The following SYNC variants were observed in gnomAD, a reference collection of about 807,000 sequenced individuals.
The protein encoded by SYNC is syncoilin, intermediate filament protein.
SYNC carries 38 observed loss-of-function variants against 49.5 expected under a neutral mutation model. The ratio of observed to expected loss-of-function variants is 0.77; its 90% CI spans 0.59 to 1.01. The LOEUF (loss-of-function observed/expected upper bound fraction) is 1.01, where lower values mean the gene tolerates loss of function less well. SYNC is among the 50% of genes least tolerant of loss of function. SYNC has a pLI of 0.00. For missense variants in SYNC, 579 were observed against 580.6 expected (o/e 1.00, Z 0.03); for synonymous variants, 201 against 230.8 (o/e 0.87, Z 1.17).
At chr1:32,699,139 G>A (rs1418117927) in intron 1 of SYNC, among the ~76,000 whole-genome samples, 1 of 136,416 alleles carries the variant, frequency 7.3e-6, no homozygotes. Context: ...TCACTGAGAA[G>A]TGACTTTTCT....
intron 1 of SYNC, among the ~76,000 whole-genome samples, chr1:32,697,720 CAG>C (rs1317010902): frequency 6.6e-6 from 1 of 150,998 alleles, no homozygotes; most frequent in East Asian, 1.9e-4. Flanking sequence ...GCCTGGGCAA[CAG>C]AGACCCTGTC....
rs530251747 is a variant in SYNC at position 32,700,919 on chromosome 1, C to CT, written c.53+1688dup. Among the ~76,000 whole-genome samples the CT allele has an allele frequency of 6.0e-3, 876 of 145,558 alleles. 11 individuals are homozygous for CT. The East Asian group carries it at 0.062, about 10-fold the overall frequency. ...CCTGGCATGCAGCAGTCACAATATA[C>CT]TTTTTTTTTTTTTGAGATGGAGTTT... On this transcript the variant is annotated intron_variant, in intron 1 of 4. Coordinates refer to ENST00000409190, the MANE Select transcript of SYNC (RefSeq NM_030786.3).
chr1:32,686,557 G>A (rs1328233425), intron 2 of SYNC, among the ~76,000 whole-genome samples: 2 of 152,206 alleles, frequency 1.3e-5, no homozygotes, highest in African/African-American at 4.8e-5. Flanking sequence ...AAAGTAACAG[G>A]TGCTGTGGAA....
At chr1:32,689,713 C>G (rs551576064) in intron 2 of SYNC, among the ~76,000 whole-genome samples, 1 of 151,896 alleles carries the variant, frequency 6.6e-6, no homozygotes, top group African/African-American at 2.4e-5. Context: ...GAAGCCGAGG[C>G]GGGCAGATCA....
intron 2 of SYNC, among the ~76,000 whole-genome samples, chr1:32,689,214 G>C (rs1300580904): frequency 7.9e-6 from 1 of 125,878 alleles, no homozygotes; most frequent in Admixed American, 9.9e-5. Flanking sequence ...GGGATTACAG[G>C]CGTGAGGCAC....
Position 32,684,325 on chromosome 1 carries a change from G to A in SYNC, c.1291C>T (p.Gln431Ter). 6.2e-7 allele frequency: 1 copy of A among 1,614,120 alleles called. No individual in the cohort carries two copies. Among genetic ancestry groups the A allele is most frequent in the African/African-American group, 1.3e-5 (1 of 75,030 alleles). ...QRQLRNGVQL[Q>*]QQKNKEMEQL... Reference sequence around the variant, plus strand: ...TCCATCTCTTTGTTCTTCTGTTGCTGGAGTTGCACCCCATTTCTTAACTGC... The same window carrying A: ...TCCATCTCTTTGTTCTTCTGTTGCTAGAGTTGCACCCCATTTCTTAACTGC... The change falls in exon 3 of 5, where the codon CAG becomes TAG. Residue 431 changes from glutamine (Q) to a stop codon, truncating the protein, a stop_gained. Coordinates refer to ENST00000409190, the MANE Select transcript of SYNC (RefSeq NM_030786.3). LOFTEE classifies it high-confidence loss of function.
In SYNC at chr1:32,680,330, G is replaced by C. The variant is rs1263234984; in HGVS notation, c.*1520C>G. On this transcript the variant is annotated 3_prime_UTR_variant, in exon 5 of 5. Transcript: ENST00000409190. ...TTCATGTTGTTTATTTCCTGTCTGT[G>C]AAATGGTGTTTTTTTTTTTGTTGTT... is the stretch of plus-strand genomic sequence containing the variant. 3.1e-6 allele frequency: 4 copies of C among 1,301,206 alleles called. No homozygotes were observed. In the African/African-American group the frequency reaches 6.7e-5, roughly 22 times the overall value. The allele number at this position is 1,301,206 out of a possible 1,614,324, so 80.6% of individuals were successfully genotyped here.
chr1:32,702,634 G>A lies in SYNC; in HGVS notation c.27C>T (p.Gly9=). 8.3e-7 allele frequency: 1 copy of A among 1,209,112 alleles called. No homozygotes were observed. Among genetic ancestry groups the A allele is most frequent in the Non-Finnish European group, 1.0e-6 (1 of 974,176 alleles). 74.9% of individuals were successfully genotyped at this position (1,209,112 alleles called of 1,614,324 possible). The part of the protein sequence containing the change: MASPEPRR[G]GDGAAQAARK... ...TCGCGGCCTGGGCGGCGCCGTCCCC[G>A]CCGCGCCGGGGCTCCGGGCTGGCCA... Residue 9 remains glycine (G), a synonymous_variant, in exon 1 of 5, where the codon GGC becomes GGT. Transcript: ENST00000409190. This position sits in a 1 kb window ranked among gnomAD's most constrained non-coding sequence, Gnocchi z 6.2.
intron 2 of SYNC, among the ~76,000 whole-genome samples, chr1:32,694,191 T>C (rs755180493): frequency 1.3e-5 from 2 of 151,990 alleles, no homozygotes; most frequent in Non-Finnish European, 2.9e-5. Flanking sequence ...AGATTGCACC[T>C]GTCTCAAAAA....
intron 2 of SYNC, among the ~76,000 whole-genome samples, chr1:32,691,224 CAAAA>C (rs989339096): frequency 1.5e-5 from 2 of 132,574 alleles, no homozygotes; most frequent in Non-Finnish European, 3.3e-5. Context: ...TCTCAAAAAA[CAAAA>C]AAAAACAACA....
intron 1 of SYNC, among the ~76,000 whole-genome samples, chr1:32,701,725 G>C (rs1650677495): frequency 6.6e-6 from 1 of 152,182 alleles, no homozygotes; most frequent in Non-Finnish European, 1.5e-5. Flanking sequence ...TGGGGCCCCT[G>C]ACCTCGGGCT....
At chr1:32,687,111 G>A (rs1010147777) in intron 2 of SYNC, among the ~76,000 whole-genome samples, 1 of 151,992 alleles carries the variant, frequency 6.6e-6, no homozygotes, top group Admixed American at 6.6e-5. Flanking sequence ...TGTAATCTCA[G>A]CATTTTGGGA....
intron 2 of SYNC, among the ~76,000 whole-genome samples, chr1:32,690,060 CA>C (rs11320061): frequency 2.4e-3 from 372 of 151,888 alleles, no homozygotes; most frequent in African/African-American, 8.3e-3. Context: ...GATGGTATAG[CA>C]ACAAGAGAAG....
intron 1 of SYNC, 130 bp from the exon 2 acceptor site, chr1:32,696,174 ACT>A: frequency 1.4e-6 from 1 of 710,552 alleles, no homozygotes; most frequent in Middle Eastern, 3.8e-4. Flanking sequence ...TGCTCCCTCC[ACT>A]CTGTCAATCC....
At chr1:32,690,598 C>G (rs1650110516) in intron 2 of SYNC, among the ~76,000 whole-genome samples, 1 of 149,680 alleles carries the variant, frequency 6.7e-6, no homozygotes, top group African/African-American at 2.5e-5. Flanking sequence ...GAGCCAAGAT[C>G]ATGCCACTGC....
At chr1:32,687,998 C>T (rs571118842) in intron 2 of SYNC, among the ~76,000 whole-genome samples, 1 of 151,708 alleles carries the variant, frequency 6.6e-6, no homozygotes, top group East Asian at 1.9e-4. Context: ...TACAGGCGGC[C>T]TAATTTTTGT....
chr1:32,689,994 G>T (rs1277176998), intron 2 of SYNC, among the ~76,000 whole-genome samples: 1 of 151,048 alleles, frequency 6.6e-6, no homozygotes, highest in Non-Finnish European at 1.5e-5. Flanking sequence ...AAACAGTTTA[G>T]GAAGCCATTT....
rs115218541 is a variant in SYNC at position 32,698,843 on chromosome 1, T to C, written c.54-2799A>G. On this transcript the variant is annotated intron_variant, in intron 1 of 4. Transcript: ENST00000409190. ...TCGCCCAGGCCTGAGTACTGTGGCA[T>C]GATCATAGCTCACTGCAGCCTCAAC... Among the ~76,000 whole-genome samples the C allele has an allele frequency of 3.5e-3, 526 of 151,420 alleles. 5 individuals are homozygous for C. The highest frequency in any genetic ancestry group is 0.012 in the African/African-American group (509 of 41,296).
rs931328753 is a variant in SYNC, at chr1:32,696,067, T to C, written c.54-23A>G. 2.0e-6 allele frequency: 3 copies of C among 1,524,004 alleles called. No homozygotes were observed. The African/African-American group carries it at 4.1e-5, about 21-fold the overall frequency. The allele number at this position is 1,524,004 out of a possible 1,614,324, so 94.4% of individuals were successfully genotyped here. The stretch of plus-strand genomic sequence containing the variant: ...TTCCTGCAAAAGAAATGATTGAAAG[T>C]GAAAGGGCAGCCACAATCCCAGGAT... On this transcript the variant is annotated intron_variant, in intron 1 of 4. Coordinates refer to ENST00000409190, the MANE Select transcript of SYNC (RefSeq NM_030786.3).
Sources: gnomAD v4.1 joint callset for allele counts (sites outside exome capture counted in the v4.1 genomes callset) on GRCh38, gnomAD v4.1.1 for gene constraint, Gnocchi (gnomAD v3.1) non-coding constraint, MANE v1.5 for transcripts, NCBI Gene and HGNC (gene_info 2026-07-23, HGNC 2026-07-21) for gene names.